TRPM7: variants seen among roughly 807,000 people sequenced by gnomAD.
TRPM7 encodes the protein LTRPC ion channel family member 7.
A neutral mutation model predicts 229.7 loss-of-function variants in TRPM7; 134 were observed. The observed-to-expected ratio is 0.58, with a 90% CI of 0.51 to 0.67. The LOEUF (loss-of-function observed/expected upper bound fraction) is 0.67, where lower values mean the gene tolerates loss of function less well. Among genes scored for constraint, TRPM7 ranks in the 30% least tolerant of loss-of-function variants. TRPM7 has a pLI of 0.00. For missense variants in TRPM7, 1,901 were observed against 2,210.0 expected (o/e 0.86, Z 2.80); for synonymous variants, 699 against 715.2 (o/e 0.98, Z 0.36).
rs761986213 is a variant in TRPM7, at chr15:50,686,583, C to T, written c.-50G>A. ...AGGGCAGCAACTCCACCTCCTCCTC[C>T]TCCGCGGCCTGTAGCCATCTATCGG... On this transcript the variant is annotated 5_prime_UTR_variant, in exon 1 of 39. Coordinates refer to ENST00000646667, the MANE Select transcript of TRPM7 (RefSeq NM_017672.6). 1 of 1,606,298 alleles carries T rather than the reference C, an allele frequency of 6.2e-7. No individual in the cohort carries two copies. Among genetic ancestry groups the T allele is most frequent in the Non-Finnish European group, 8.5e-7 (1 of 1,175,904 alleles).
chr15:50,564,504 A>G (rs1352055432), intron 38 of TRPM7, among the ~76,000 whole-genome samples: 1 of 151,854 alleles, frequency 6.6e-6, no homozygotes, highest in East Asian at 1.9e-4. Flanking sequence ...TAATATCAAC[A>G]TTATAAACTA....
At chr15:50,646,021 G>A (rs2140808875) in intron 4 of TRPM7, among the ~76,000 whole-genome samples, 1 of 151,526 alleles carries the variant, frequency 6.6e-6, no homozygotes, top group East Asian at 1.9e-4. Flanking sequence ...GGAGGCTGAA[G>A]CAGGAGAATC....
chr15:50,638,493 G>A lies in TRPM7; in HGVS notation c.661-900C>T, dbSNP rs192478377. Among the ~76,000 whole-genome samples, 417 of 150,462 alleles carry A rather than the reference G, an allele frequency of 2.8e-3. 2 individuals carry two copies. Among genetic ancestry groups the A allele is most frequent in the African/African-American group, 9.7e-3 (398 of 40,932 alleles). On this transcript the variant is annotated intron_variant, in intron 6 of 38. Coordinates refer to ENST00000646667, the MANE Select transcript of TRPM7 (RefSeq NM_017672.6). ...GAACCTGGGAGGAGGAGGTTGCAGTGAGACCAGATCGTGCTACTGCACTCC... is the reference window on the plus strand; with the variant it reads ...GAACCTGGGAGGAGGAGGTTGCAGTAAGACCAGATCGTGCTACTGCACTCC...
At position 50,557,552 on chromosome 15, in the gene TRPM7, A is replaced by G. The variant is rs1020230056; in HGVS notation, c.*4126T>C. ...CAATATAATCTTTTCTATAATTTCC[A>G]ATACAATCAACATGTATTACTTGTA... On this transcript the variant is annotated 3_prime_UTR_variant, in exon 39 of 39. Transcript: ENST00000646667. 9.9e-5 allele frequency: 15 copies of G among 152,252 alleles called. No individual in the cohort carries two copies. The highest frequency in any genetic ancestry group is 5.2e-4 in the Admixed American group (8 of 15,286). 9.4% of individuals were successfully genotyped at this position (152,252 alleles called of 1,614,324 possible). A position where few individuals can be genotyped will look rare whatever the true frequency, so the allele number is the denominator to read the frequency against.
intron 19 of TRPM7, among the ~76,000 whole-genome samples, chr15:50,608,520 A>G (rs968769895): frequency 2.0e-5 from 3 of 152,226 alleles, no homozygotes; most frequent in African/African-American, 7.2e-5. Context: ...GCAGCCATTC[A>G]CATGAATGCA....
chr15:50,612,804 T>C lies in TRPM7; in HGVS notation c.1796A>G (p.Lys599Arg). Residue 599 changes from lysine (K) to arginine (R), a missense_variant, in exon 16 of 39, where the codon AAG becomes AGG. By Grantham distance (26) the Lys-to-Arg change is conservative (BLOSUM62 2). Around this residue, in one of 8 missense-constraint regions of TRPM7, gnomAD observed 794 missense variants for 881.9 expected, o/e 0.90. Coordinates refer to ENST00000646667, the MANE Select transcript of TRPM7 (RefSeq NM_017672.6). Reference sequence around the variant, plus strand: ...AATTTCATCTTTGGTTCTTTTCTTCTTTCCTTCTTCCATAACTGTATCAAT... The same window carrying C: ...AATTTCATCTTTGGTTCTTTTCTTCCTTCCTTCTTCCATAACTGTATCAAT... The part of the protein sequence containing the change: ...PKIDTVMEEG[K>R]KKRTKDEIVD... The C allele has an allele frequency of 6.2e-7, 1 of 1,613,440 alleles. No homozygotes were observed. Among genetic ancestry groups the C allele is most frequent in the Non-Finnish European group, 8.5e-7 (1 of 1,179,954 alleles).
intron 38 of TRPM7, among the ~76,000 whole-genome samples, chr15:50,568,198 C>T (rs2053703466): frequency 6.8e-6 from 1 of 146,668 alleles, no homozygotes; most frequent in African/African-American, 2.5e-5. Flanking sequence ...AAGTTAACAT[C>T]ATCTTAATGG....
At chr15:50,613,020 C>T (rs2060106412) in intron 15 of TRPM7, among the ~76,000 whole-genome samples, 191 bp from the exon 16 acceptor site, 1 of 151,960 alleles carries the variant, frequency 6.6e-6, no homozygotes, top group African/African-American at 2.4e-5. Context: ...AACAAAAATG[C>T]CTTTGCAATA....
chr15:50,603,566 G>A (rs994800568), intron 21 of TRPM7, among the ~76,000 whole-genome samples: 32 of 151,200 alleles, frequency 2.1e-4, no homozygotes, highest in African/African-American at 7.3e-4. Flanking sequence ...TGCGGTGTTT[G>A]GTTTTCTGTC....
chr15:50,654,841 A>AC (rs1555430298), intron 3 of TRPM7, among the ~76,000 whole-genome samples: 2 of 148,622 alleles, frequency 1.3e-5, no homozygotes, highest in Admixed American at 6.7e-5. Flanking sequence ...ACTAAAAAAA[A>AC]CCACAAAAAA....
intron 38 of TRPM7, among the ~76,000 whole-genome samples, chr15:50,564,666 C>T (rs965630547): frequency 1.3e-5 from 2 of 151,924 alleles, no homozygotes; most frequent in Admixed American, 1.3e-4. Flanking sequence ...ATAACTGATA[C>T]TCAGAATATG....
At chr15:50,663,133 C>CTT (rs370350578) in intron 1 of TRPM7, 87 bp from the exon 2 acceptor site, 292 of 803,172 alleles carry the variant, frequency 3.6e-4, no homozygotes, top group East Asian at 4.9e-4. Context: ...ATAAACAGTT[C>CTT]TTTTTTTTTT....
At chr15:50,640,768 C>T (rs1038829053) in intron 5 of TRPM7, among the ~76,000 whole-genome samples, 3 of 152,048 alleles carry the variant, frequency 2.0e-5, no homozygotes, top group Admixed American at 6.6e-5. Context: ...GGCCCTGAAT[C>T]TAACTGGTGC....
chr15:50,633,059 C>G, intron 8 of TRPM7, 67 bp from the exon 9 acceptor site: 1 of 1,428,844 alleles, frequency 7.0e-7, no homozygotes, highest in Non-Finnish European at 9.3e-7. Context: ...ATATGAAGTA[C>G]AGGTAGATCC....
rs1481445138 is a variant in TRPM7 at position 50,575,796 on chromosome 15, A to T, written c.4670-7T>A. Reference sequence around the variant, plus strand: ...AAGTTATTTCTTTCCACAGCTGCATAAAAATGAGAGAGAAATAATTAAATC... The same window carrying T: ...AAGTTATTTCTTTCCACAGCTGCATTAAAATGAGAGAGAAATAATTAAATC... On this transcript the variant is annotated splice_polypyrimidine_tract_variant and splice_region_variant and intron_variant, in intron 32 of 38. Transcript: ENST00000646667. 1.2e-6 allele frequency: 2 copies of T among 1,613,492 alleles called. No individual in the cohort carries two copies. The highest frequency in any genetic ancestry group is 3.3e-5 in the Admixed American group (2 of 60,000).
chr15:50,592,651 T>C, intron 25 of TRPM7, 25 bp from the exon 26 acceptor site: 1 of 1,441,706 alleles, frequency 6.9e-7, no homozygotes, highest in Non-Finnish European at 9.3e-7. Context: ...TAAGCTTTTT[T>C]TACAAATGTG....
intron 2 of TRPM7, among the ~76,000 whole-genome samples, chr15:50,659,184 C>G (rs1490522346): frequency 6.8e-6 from 1 of 147,354 alleles, no homozygotes; most frequent in African/African-American, 2.5e-5. Context: ...CAGAGCGAGA[C>G]TCCGTCTCAA....
chr15:50,676,075 A>T (rs2062088170), intron 1 of TRPM7, among the ~76,000 whole-genome samples: 1 of 152,212 alleles, frequency 6.6e-6, no homozygotes, highest in Non-Finnish European at 1.5e-5. Flanking sequence ...CACATAGTCA[A>T]ATTTCAACTA....
rs76687060 is a variant in TRPM7 at position 50,642,066 on chromosome 15, T to C, written c.535+1274A>G. On this transcript the variant is annotated intron_variant, in intron 5 of 38. Transcript: ENST00000646667. The stretch of plus-strand genomic sequence containing the variant: ...GCAAGCTGACTTAAATGTTTTATTT[T>C]AGACAATGAAAGTAATCTGCCCTCT... Among the ~76,000 whole-genome samples the C allele has an allele frequency of 9.2e-3, 1,400 of 152,292 alleles. 13 individuals carry two copies. Among genetic ancestry groups the C allele is most frequent in the Middle Eastern group, 0.058 (17 of 294 alleles).
Sources: allele counts gnomAD v4.1 joint callset (sites outside exome capture counted in the v4.1 genomes callset), GRCh38; gene constraint gnomAD v4.1.1; regional missense constraint gnomAD v4.1.1; transcripts MANE v1.5; gene names NCBI Gene and HGNC (gene_info 2026-07-23, HGNC 2026-07-21).